CD68: variants seen among roughly 807,000 people sequenced by gnomAD.
CD68 encodes macrosialin.
A neutral mutation model predicts 31.3 loss-of-function variants in CD68; 24 were observed. The ratio of observed to expected loss-of-function variants is 0.77; its 90% confidence interval spans 0.55 to 1.08. The LOEUF (loss-of-function observed/expected upper bound fraction) is 1.08. Ranked by LOEUF, CD68 falls within the 50% of genes least tolerant of loss-of-function variation. The pLI is 0.00. For synonymous variants in CD68, 190 were observed against 179.6 expected (o/e 1.06, Z -0.46); for missense variants, 461 against 442.5 (o/e 1.04, Z -0.38).
chr17:7,580,822 A>G lies in CD68; in HGVS notation c.760+39A>G, dbSNP rs1299665029. On this transcript the variant is annotated intron_variant, in intron 4 of 5. Coordinates refer to ENST00000250092, the MANE Select transcript of CD68 (RefSeq NM_001251.3). This position sits in a 1 kb window ranked among gnomAD's most constrained non-coding sequence, Gnocchi z 4.3. The stretch of plus-strand genomic sequence containing the variant: ...TTCCCTTTCTCATTGCTACCACTAG[A>G]CGCCAGGGTTCCTGAAAGGACTAAG... 1 of 1,613,580 alleles carries G rather than the reference A, an allele frequency of 6.2e-7. No individual in the cohort carries two copies. Among genetic ancestry groups the G allele is most frequent in the Non-Finnish European group, 8.5e-7 (1 of 1,179,664 alleles).
Position 7,579,934 on chromosome 17 carries a change from A to C in CD68, c.174A>C (p.Lys58Asn). 3.7e-6 allele frequency: 6 copies of C among 1,613,750 alleles called. No homozygotes were observed. The highest frequency in any genetic ancestry group is 5.1e-6 in the Non-Finnish European group (6 of 1,179,876). ...TTSHRTTKSH[K>N]TTTHRTTTTG... ...GCCACAGGACTACCAAGAGCCACAAAACCACCACTCACAGGACAACCACCA... is the reference window on the plus strand; with the variant it reads ...GCCACAGGACTACCAAGAGCCACAACACCACCACTCACAGGACAACCACCA... Residue 58 changes from lysine to asparagine, a missense_variant, in exon 2 of 6, where the codon AAA (lysine) becomes AAC (asparagine). Lys to Asn is a moderately conservative substitution (Grantham distance 94). Coordinates refer to ENST00000250092, the MANE Select transcript of CD68 (RefSeq NM_001251.3).
intron 5 of CD68, 146 bp from the exon 6 acceptor site, chr17:7,581,232 C>A: frequency 8.4e-7 from 1 of 1,185,870 alleles, no homozygotes; most frequent in Non-Finnish European, 1.2e-6. Flanking sequence ...AAGACTCTGC[C>A]AGTTTCCCCC....
intron 5 of CD68, 136 bp from the exon 6 acceptor site, chr17:7,581,242 C>T (rs1043383314): frequency 4.1e-6 from 5 of 1,234,398 alleles, no homozygotes; most frequent in African/African-American, 3.0e-5. Context: ...CAGTTTCCCC[C>T]TTTTATCACT....
At position 7,580,562 on chromosome 17, in the gene CD68, C is replaced by CA. The variant is rs2071470883; in HGVS notation, c.665dup (p.His222GlnfsTer96). ...CCTGCTTCTCTCATTCCCCTATGGA[C>CA]ACCTCAGCTTTGGATTCATGCAGGT... On this transcript the variant is annotated frameshift_variant, in exon 3 of 6. Coordinates refer to ENST00000250092, the MANE Select transcript of CD68 (RefSeq NM_001251.3). LOFTEE classifies it high-confidence loss of function. The surrounding 1 kb of genome is among the most constrained non-coding windows in gnomAD (Gnocchi z 4.3). 6.2e-7 allele frequency: 1 copy of CA among 1,614,066 alleles called. No homozygotes were observed.
chr17:7,580,785 TA>T lies in CD68; in HGVS notation c.760+4del. Reference sequence around the variant, plus strand: ...ATGTGTCCTTCCCCCACGCAGCACGTAAGTAACCTCCTTCCCTTTCTCATTG... The same window carrying T: ...ATGTGTCCTTCCCCCACGCAGCACGTAGTAACCTCCTTCCCTTTCTCATTG... On this transcript the variant is annotated splice_donor_region_variant and intron_variant, in intron 4 of 5. Transcript: ENST00000250092. The surrounding 1 kb of genome is among the most constrained non-coding windows in gnomAD (Gnocchi z 4.3). 6.2e-7 allele frequency: 1 copy of T among 1,613,978 alleles called. No homozygotes were observed. Among genetic ancestry groups the T allele is most frequent in the Admixed American group, 1.7e-5 (1 of 60,016 alleles).
Position 7,581,579 on chromosome 17 carries a change from G to C in CD68, c.*68G>C. On this transcript the variant is annotated 3_prime_UTR_variant, in exon 6 of 6. Transcript: ENST00000250092. ...GGTGGGGGGGTACCCTTATTTCCTC[G>C]ACACGCAACTGGCTCAAAGACAATG... is the stretch of plus-strand genomic sequence containing the variant. The C allele has an allele frequency of 1.3e-6, 2 of 1,493,886 alleles. No individual in the cohort carries two copies. The highest frequency in any genetic ancestry group is 1.9e-6 in the Non-Finnish European group (2 of 1,075,254). 92.5% of individuals were successfully genotyped at this position (1,493,886 alleles called of 1,614,324 possible).
rs1458825209 is a variant in CD68, at chr17:7,579,956, A to G, written c.196A>G (p.Thr66Ala). ...SHKTTTHRTTTTGTTSHGPTT... is the reference protein window; with the variant it reads ...SHKTTTHRTTATGTTSHGPTT... ...CAAAACCACCACTCACAGGACAACC[A>G]CCACAGGCACCACCAGCCACGGACC... Residue 66 changes from threonine (T) to alanine (A), a missense_variant, in exon 2 of 6, where the codon ACC becomes GCC. Coordinates refer to ENST00000250092, the MANE Select transcript of CD68 (RefSeq NM_001251.3). The G allele has an allele frequency of 5.0e-6, 8 of 1,613,510 alleles. No homozygotes were observed. Among genetic ancestry groups the G allele is most frequent in the South Asian group, 1.1e-5 (1 of 91,048 alleles).
chr17:7,580,123 TCATC>T lies in CD68; in HGVS notation c.366_369del (p.His122GlnfsTer74). Reference sequence around the variant, plus strand: ...CCACTAGTCATGGAAATGCCACGGTTCATCCAACAAGCAACAGCACTGCCACCAG... The same window carrying T: ...CCACTAGTCATGGAAATGCCACGGTTCAACAAGCAACAGCACTGCCACCAG... On this transcript the variant is annotated frameshift_variant, in exon 2 of 6. Transcript: ENST00000250092. LOFTEE classifies it high-confidence loss of function. This position sits in a 1 kb window ranked among gnomAD's most constrained non-coding sequence, Gnocchi z 4.3. The T allele has an allele frequency of 1.2e-6, 2 of 1,613,980 alleles. No individual in the cohort carries two copies. Among genetic ancestry groups the T allele is most frequent in the Non-Finnish European group, 8.5e-7 (1 of 1,179,980 alleles).
rs2071476828 is a variant in CD68, at chr17:7,580,931, G to A, written c.796G>A (p.Asp266Asn). The change falls in exon 5 of 6, where the codon GAT becomes AAT. Residue 266 changes from aspartate (D) to asparagine (N), a missense_variant. Asp to Asn is a conservative substitution (Grantham distance 23). Coordinates refer to ENST00000250092, the MANE Select transcript of CD68 (RefSeq NM_001251.3). This position sits in a 1 kb window ranked among gnomAD's most constrained non-coding sequence, Gnocchi z 4.3. The part of the protein sequence containing the change: ...TFSAQNASLR[D>N]LQAPLGQSFS... ...CTCGGCTCAGAATGCATCCCTTCGA[G>A]ATCTCCAAGCACCCCTGGGGCAGAG... 6.2e-7 allele frequency: 1 copy of A among 1,613,854 alleles called. No individual in the cohort carries two copies.
Position 7,580,438 on chromosome 17 carries a change from G to C in CD68, c.568-28G>C. On this transcript the variant is annotated intron_variant, in intron 2 of 5. Transcript: ENST00000250092. This position sits in a 1 kb window ranked among gnomAD's most constrained non-coding sequence, Gnocchi z 4.3. ...CTTGGCCGGCATCGCATGCAGTCTT[G>C]TGACCTTCCAGTCTTTAACTTCCGC... 3.1e-6 allele frequency: 5 copies of C among 1,613,824 alleles called. No homozygotes were observed. Among genetic ancestry groups the C allele is most frequent in the Non-Finnish European group, 4.2e-6 (5 of 1,179,838 alleles).
At position 7,582,098 on chromosome 17, in the gene CD68, T is replaced by C. The variant is rs2071498337; in HGVS notation, c.*587T>C. 3.3e-6 allele frequency: 2 copies of C among 597,330 alleles called. No individual in the cohort carries two copies. The highest frequency in any genetic ancestry group is 8.7e-5 in the Admixed American group (1 of 11,450). The allele number at this position is 597,330 out of a possible 1,614,324, so 37.0% of individuals were successfully genotyped here. On this transcript the variant is annotated 3_prime_UTR_variant, in exon 6 of 6. Coordinates refer to ENST00000250092, the MANE Select transcript of CD68 (RefSeq NM_001251.3). ...CTTGTCCTGCCAGGATTAAAAGCCA[T>C]GAGTTTCTTGTCACATGCCTTTCTA...
At position 7,579,896 on chromosome 17, in the gene CD68, A is replaced by G. The variant is rs1382776666; in HGVS notation, c.136A>G (p.Thr46Ala). ...GGTGACACCCACGGTTACAGAGAGC[A>G]CTGGAACAACCAGCCACAGGACTAC... The part of the protein sequence containing the change: ...FTVTPTVTES[T>A]GTTSHRTTKS... Residue 46 changes from threonine to alanine, a missense_variant, in exon 2 of 6, where the codon ACT (threonine) becomes GCT (alanine). By Grantham distance (58) the Thr-to-Ala change is moderately conservative. Transcript: ENST00000250092. 1 of 1,614,052 alleles carries G rather than the reference A, an allele frequency of 6.2e-7. No individual in the cohort carries two copies. Among genetic ancestry groups the G allele is most frequent in the East Asian group, 2.2e-5 (1 of 44,880 alleles).
At position 7,580,710 on chromosome 17, in the gene CD68, G is replaced by A. The variant is rs371865163; in HGVS notation, c.688-1G>A. 7.4e-6 allele frequency: 12 copies of A among 1,613,914 alleles called. No homozygotes were observed. The highest frequency in any genetic ancestry group is 4.0e-5 in the African/African-American group (3 of 74,852). ...CCTGCGCCTTCCTCTTCGCCCCACA[G>A]GACCTCCAGCAGAAGGTTGTCTACC... On this transcript the variant is annotated splice_acceptor_variant, in intron 3 of 5. Transcript: ENST00000250092. LOFTEE classifies it high-confidence loss of function. This position sits in a 1 kb window ranked among gnomAD's most constrained non-coding sequence, Gnocchi z 4.3.
chr17:7,579,748 G>A (rs2071457936), intron 1 of CD68, 22 bp downstream of exon 1: 4 of 1,603,456 alleles, frequency 2.5e-6, no homozygotes, highest in South Asian at 1.1e-5. Flanking sequence ...GGAGGCTGAG[G>A]GGAGGGGGCC....
Position 7,580,374 on chromosome 17 carries a change from T to C in CD68, c.567+47T>C. 6.2e-7 allele frequency: 1 copy of C among 1,608,656 alleles called. No individual in the cohort carries two copies. The highest frequency in any genetic ancestry group is 1.7e-4 in the Middle Eastern group (1 of 6,036). ...GAGAGGGGAGGGAGGCAGGACTGGA[T>C]ATAGGCTCAGAGGGAAGAAGGAAGA... On this transcript the variant is annotated intron_variant, in intron 2 of 5. Coordinates refer to ENST00000250092, the MANE Select transcript of CD68 (RefSeq NM_001251.3). The surrounding 1 kb of genome is among the most constrained non-coding windows in gnomAD (Gnocchi z 4.3).
Position 7,580,850 on chromosome 17 carries a change from G to A in CD68, c.761-46G>A. The A allele has an allele frequency of 6.2e-7, 1 of 1,613,758 alleles. No individual in the cohort carries two copies. Among genetic ancestry groups the A allele is most frequent in the South Asian group, 1.1e-5 (1 of 91,066 alleles). On this transcript the variant is annotated intron_variant, in intron 4 of 5. Transcript: ENST00000250092. The surrounding 1 kb of genome is among the most constrained non-coding windows in gnomAD (Gnocchi z 4.3). ...CCAGGGTTCCTGAAAGGACTAAGCT[G>A]GGGCCAGGGAGGTGGATAGGATCTG...
rs375393126 is a variant in CD68 at position 7,580,677 on chromosome 17, G to A, written c.688-34G>A. On this transcript the variant is annotated intron_variant, in intron 3 of 5. Coordinates refer to ENST00000250092, the MANE Select transcript of CD68 (RefSeq NM_001251.3). This position sits in a 1 kb window ranked among gnomAD's most constrained non-coding sequence, Gnocchi z 4.3. ...ACGCTACTCCTTCCTCTGTGGAGAG[G>A]GATACCACCTGCGCCTTCCTCTTCG... 3.7e-6 allele frequency: 6 copies of A among 1,613,758 alleles called. No homozygotes were observed. Among genetic ancestry groups the A allele is most frequent in the Non-Finnish European group, 5.1e-6 (6 of 1,179,886 alleles).
rs2071478572 is a variant in CD68, at chr17:7,581,054, G to C, written c.919G>C (p.Val307Leu). The C allele has an allele frequency of 1.2e-6, 2 of 1,613,612 alleles. No homozygotes were observed. The highest frequency in any genetic ancestry group is 3.3e-5 in the Admixed American group (2 of 60,002). Residue 307 changes from valine (V) to leucine (L), a missense_variant, in exon 5 of 6, where the codon GTC becomes CTC. Coordinates refer to ENST00000250092, the MANE Select transcript of CD68 (RefSeq NM_001251.3). ...LQAAQLPHTG[V>L]FGQSFSCPSD... Reference sequence around the variant, plus strand: ...GGCTGCTCAGCTGCCCCACACAGGGGTCTTTGGGCAAAGTAAGACCTACCT... The same window carrying C: ...GGCTGCTCAGCTGCCCCACACAGGGCTCTTTGGGCAAAGTAAGACCTACCT...
In CD68 at chr17:7,579,895, CA is replaced by C. The variant is rs1567737276; in HGVS notation, c.136del (p.Thr46LeufsTer151). 2 of 1,614,048 alleles carry C rather than the reference CA, an allele frequency of 1.2e-6. No individual in the cohort carries two copies. The highest frequency in any genetic ancestry group is 8.5e-7 in the Non-Finnish European group (1 of 1,179,996). The stretch of plus-strand genomic sequence containing the variant: ...CGGTGACACCCACGGTTACAGAGAG[CA>C]CTGGAACAACCAGCCACAGGACTAC... ...FTVTPTVTES[T>X]GTTSHRTTKS... is the part of the protein sequence containing the mutation. On this transcript the variant is annotated frameshift_variant, in exon 2 of 6. Transcript: ENST00000250092. LOFTEE classifies it high-confidence loss of function.
Sources: allele counts gnomAD v4.1 joint callset, GRCh38; gene constraint gnomAD v4.1.1; non-coding constraint Gnocchi (gnomAD v3.1); transcripts MANE v1.5; gene names NCBI Gene and HGNC (gene_info 2026-07-23, HGNC 2026-07-21).